Variants in OLFM3 observed in about 807,000 individuals in gnomAD.
The protein encoded by OLFM3 is olfactomedin 3, also known as noelin-3.
Under a neutral mutation model 48.6 loss-of-function variants are expected in OLFM3, and 20 were observed. The observed-to-expected ratio is 0.41, with a 90% CI of 0.29 to 0.60. OLFM3 has a LOEUF of 0.60. OLFM3 is among the 20% of genes least tolerant of loss of function. OLFM3 has a pLI of 0.28. For missense variants in OLFM3, 437 were observed against 544.3 expected (o/e 0.80, Z 1.96); for synonymous variants, 222 against 198.1 (o/e 1.12, Z -1.01).
intron 1 of OLFM3, among the ~76,000 whole-genome samples, chr1:101,930,003 T>TA (rs1187395448): frequency 3.9e-5 from 6 of 152,040 alleles, no homozygotes; most frequent in African/African-American, 1.4e-4. Context: ...AGAAACCACA[T>TA]AAATTATATG....
intron 4 of OLFM3, among the ~76,000 whole-genome samples, chr1:101,807,762 AG>A (rs1372859231): frequency 6.6e-6 from 1 of 151,792 alleles, no homozygotes; most frequent in Non-Finnish European, 1.5e-5. Flanking sequence ...TTATATCCAT[AG>A]TGTGGGTTAC....
chr1:101,908,180 G>T (rs1437848201), intron 1 of OLFM3, among the ~76,000 whole-genome samples: 2 of 152,192 alleles, frequency 1.3e-5, no homozygotes, highest in Non-Finnish European at 2.9e-5. Flanking sequence ...TTTTACAGAT[G>T]TGAGAAATGA....
chr1:101,806,145 T>A lies in OLFM3; in HGVS notation c.630A>T (p.Thr210=). The A allele has an allele frequency of 6.2e-7, 1 of 1,612,180 alleles. No individual in the cohort carries two copies. Among genetic ancestry groups the A allele is most frequent in the Non-Finnish European group, 8.5e-7 (1 of 1,178,744 alleles). ...GKLMKITGPV[T]VKTSGTRFGA... Reference sequence around the variant, plus strand: ...CAAATCGGGTTCCAGATGTCTTGACTGTAACTGGGCCTGTGATTTTCATCA... The same window carrying A: ...CAAATCGGGTTCCAGATGTCTTGACAGTAACTGGGCCTGTGATTTTCATCA... Residue 210 remains threonine (T), a synonymous_variant, in exon 5 of 6, where the codon ACA becomes ACT. Coordinates refer to ENST00000370103, the MANE Select transcript of OLFM3 (RefSeq NM_058170.4).
intron 1 of OLFM3, among the ~76,000 whole-genome samples, chr1:101,903,762 A>G (rs1002134211): frequency 1.3e-5 from 2 of 152,046 alleles, no homozygotes; most frequent in African/African-American, 4.8e-5. Context: ...CGTCCTTCTT[A>G]AGGAAATTTG....
rs114744174 is a variant in OLFM3, at chr1:101,922,862, G to A, written c.69+73886C>T. Among the ~76,000 whole-genome samples, 938 of 152,298 alleles carry A rather than the reference G, an allele frequency of 6.2e-3. 12 individuals are homozygous for A. The highest frequency in any genetic ancestry group is 0.022 in the African/African-American group (897 of 41,564). On this transcript the variant is annotated intron_variant, in intron 1 of 5. Coordinates refer to ENST00000370103, the MANE Select transcript of OLFM3 (RefSeq NM_058170.4). ...GAATATCTTGTGAAATTAAATGGAA[G>A]TAATTGCTAACATATTTAGAGTTTA...
intron 1 of OLFM3, among the ~76,000 whole-genome samples, chr1:101,938,184 CA>C (rs1377432602): frequency 6.6e-6 from 1 of 152,184 alleles, no homozygotes; most frequent in Non-Finnish European, 1.5e-5. Context: ...CATCCTTTAT[CA>C]GAGATATAAT....
At chr1:101,941,121 T>C (rs1227753546) in intron 1 of OLFM3, among the ~76,000 whole-genome samples, 13 of 152,196 alleles carry the variant, frequency 8.5e-5, no homozygotes, top group African/African-American at 2.9e-4. Context: ...AAGTGCGAAG[T>C]GTGATGGCAC....
At chr1:101,829,993 C>G (rs188923572) in intron 3 of OLFM3, among the ~76,000 whole-genome samples, 2 of 151,994 alleles carry the variant, frequency 1.3e-5, no homozygotes, top group Non-Finnish European at 2.9e-5. Context: ...CACCACCACA[C>G]CCGGCTAATT....
chr1:101,977,596 G>C (rs1660989790), intron 1 of OLFM3, among the ~76,000 whole-genome samples: 2 of 152,100 alleles, frequency 1.3e-5, no homozygotes, highest in South Asian at 4.1e-4. Context: ...TTTAATACCA[G>C]AAGTGATGTT....
At chr1:101,932,925 C>T (rs2339198) in intron 1 of OLFM3, among the ~76,000 whole-genome samples, 31 of 151,914 alleles carry the variant, frequency 2.0e-4, no homozygotes, top group Admixed American at 9.8e-4. Flanking sequence ...TACAAGAGGC[C>T]GGGCATGGTG....
intron 1 of OLFM3, among the ~76,000 whole-genome samples, chr1:101,936,946 C>T (rs1027459930): frequency 6.6e-6 from 1 of 152,096 alleles, no homozygotes; most frequent in African/African-American, 2.4e-5. Flanking sequence ...TTCCGTACAT[C>T]ATATATGAAA....
In OLFM3 at chr1:101,923,612, A is replaced by ATT. The variant is rs552622635; in HGVS notation, c.69+73134_69+73135dup. Among the ~76,000 whole-genome samples the ATT allele has an allele frequency of 4.8e-3, 727 of 150,536 alleles. 8 individuals carry two copies. The highest frequency in any genetic ancestry group is 0.017 in the African/African-American group (702 of 41,146). On this transcript the variant is annotated intron_variant, in intron 1 of 5. Transcript: ENST00000370103. ...ATTCTAACAAATAAAATGTATATGGATTTTTTTTTTACTTATTCTTAAAAG... is the reference window on the plus strand; with the variant it reads ...ATTCTAACAAATAAAATGTATATGGATTTTTTTTTTTTACTTATTCTTAAAAG...
At chr1:101,837,240 T>A (rs1311608994) in intron 1 of OLFM3, among the ~76,000 whole-genome samples, 2 of 152,238 alleles carry the variant, frequency 1.3e-5, no homozygotes, top group African/African-American at 4.8e-5. Context: ...GATCCTTTCT[T>A]GTCTTCAGGT....
At chr1:101,946,668 T>C (rs932749836) in intron 1 of OLFM3, among the ~76,000 whole-genome samples, 2 of 152,196 alleles carry the variant, frequency 1.3e-5, no homozygotes, top group African/African-American at 4.8e-5. Flanking sequence ...TTAAATAGTG[T>C]ATCAGGCACT....
intron 1 of OLFM3, among the ~76,000 whole-genome samples, chr1:101,878,733 G>A (rs1442551178): frequency 6.6e-6 from 1 of 151,842 alleles, no homozygotes; most frequent in East Asian, 1.9e-4. Flanking sequence ...TCATGATGAT[G>A]GCAGAAAATC....
intron 4 of OLFM3, among the ~76,000 whole-genome samples, chr1:101,818,767 C>G (rs978403045): frequency 6.6e-6 from 1 of 152,122 alleles, no homozygotes; most frequent in Non-Finnish European, 1.5e-5. Context: ...TTCCTTCCCC[C>G]CAAAAGCTTT....
At chr1:101,983,485 ATGT>A (rs897492385) in intron 1 of OLFM3, among the ~76,000 whole-genome samples, 5 of 152,332 alleles carry the variant, frequency 3.3e-5, no homozygotes, top group African/African-American at 1.2e-4. Context: ...CCAGTAAAAA[ATGT>A]TAAGCACTTT....
At chr1:101,851,352 A>G (rs1484620322) in intron 1 of OLFM3, among the ~76,000 whole-genome samples, 5 of 152,156 alleles carry the variant, frequency 3.3e-5, no homozygotes, top group Non-Finnish European at 7.4e-5. Context: ...ATGAGATGAC[A>G]TATTTTGAAA....
At chr1:101,882,331 AAT>A (rs200162567) in intron 1 of OLFM3, among the ~76,000 whole-genome samples, 6,026 of 107,312 alleles carry the variant, frequency 0.056, 302 homozygotes, top group African/African-American at 0.14. Context: ...ATATATATAT[AAT>A]ATATATATAT....
Sources: allele counts gnomAD v4.1 joint callset (sites outside exome capture counted in the v4.1 genomes callset), GRCh38; gene constraint gnomAD v4.1.1; transcripts MANE v1.5; gene names NCBI Gene and HGNC (gene_info 2026-07-23, HGNC 2026-07-21).